Variants in PRAMEF1 observed in about 807,000 individuals in gnomAD.
The protein encoded by PRAMEF1 is PRAME family member 1.
A neutral mutation model predicts 38.2 loss-of-function variants in PRAMEF1; 21 were observed. The observed-to-expected ratio is 0.55, with a 90% CI of 0.39 to 0.79. PRAMEF1 has a LOEUF of 0.79. Among genes scored for constraint, PRAMEF1 ranks in the 30% least tolerant of loss-of-function variants. The pLI, the probability that PRAMEF1 is intolerant of heterozygous loss-of-function variation, is 0.00. For synonymous variants in PRAMEF1, 200 were observed against 229.0 expected (o/e 0.87, Z 1.14); for missense variants, 497 against 565.8 (o/e 0.88, Z 1.23).
chr1:12,794,199 C>A lies in PRAMEF1; in HGVS notation c.572C>A (p.Pro191Gln). 3 of 1,611,242 alleles carry A rather than the reference C, an allele frequency of 1.9e-6. No homozygotes were observed. Among genetic ancestry groups the A allele is most frequent in the Non-Finnish European group, 2.5e-6 (3 of 1,178,378 alleles). The part of the protein sequence containing the change: ...CCSKLVNYLT[P>Q]IKYLRKSLKI... ...AGTAAGCTGGTCAATTATCTAACGC[C>A]GATTAAATATCTCAGAAAGTCATTG... The change falls in exon 3 of 4, where the codon CCG becomes CAG. Residue 191 changes from proline (P) to glutamine (Q), a missense_variant. Transcript: ENST00000332296.
At chr1:12,795,119 A>C in intron 3 of PRAMEF1, 1 of 922,364 alleles carries the variant, frequency 1.1e-6, no homozygotes, top group Non-Finnish European at 1.5e-6. Context: ...GACCTTGCTC[A>C]GTTGAGTTCT....
intron 3 of PRAMEF1, 196 bp downstream of exon 3, chr1:12,794,689 G>A (rs2100300573): frequency 4.2e-6 from 6 of 1,443,614 alleles, no homozygotes; most frequent in Non-Finnish European, 3.7e-6. Context: ...AATAAGGGGA[G>A]AGGCGTCACC....
rs367688082 is a variant in PRAMEF1 at position 12,793,225 on chromosome 1, A to C, written c.-3A>C. 6.2e-7 allele frequency: 1 copy of C among 1,606,830 alleles called. No homozygotes were observed. Among genetic ancestry groups the C allele is most frequent in the African/African-American group, 1.3e-5 (1 of 74,596 alleles). On this transcript the variant is annotated 5_prime_UTR_variant, in exon 2 of 4. Coordinates refer to ENST00000332296, the MANE Select transcript of PRAMEF1 (RefSeq NM_023013.4). ...TAGAGATTTTCCTTGCAGATCTATC[A>C]GGATGAGCATCCAGGCCCCACCCAG...
chr1:12,791,963 G>A (rs1056664353), intron 1 of PRAMEF1, among the ~76,000 whole-genome samples: 2 of 151,128 alleles, frequency 1.3e-5, no homozygotes, highest in Non-Finnish European at 3.0e-5. Context: ...GATGTCTATA[G>A]GAACCTTCAT....
chr1:12,793,952 G>C lies in PRAMEF1; in HGVS notation c.325G>C (p.Asp109His), dbSNP rs368423199. 7 of 1,609,020 alleles carry C rather than the reference G, an allele frequency of 4.4e-6. 2 individuals carry two copies. The South Asian group carries it at 7.7e-5, about 18-fold the overall frequency. The change falls in exon 3 of 4, where the codon GAC becomes CAC. Residue 109 changes from aspartate to histidine, a missense_variant. By Grantham distance (81) the Asp-to-His change is moderately conservative. This residue lies in a region of PRAMEF1 where 470 missense variants were observed against 501.9 expected (regional missense o/e 0.94). Coordinates refer to ENST00000332296, the MANE Select transcript of PRAMEF1 (RefSeq NM_023013.4). ...KLQVLDLRDV[D>H]ENFWARWPGA... ...TCAAGTGCTGGATTTGCGGGATGTT[G>C]ACGAGAATTTCTGGGCCAGATGGCC...
chr1:12,791,921 C>A (rs1639300370), intron 1 of PRAMEF1, among the ~76,000 whole-genome samples: 1 of 151,034 alleles, frequency 6.6e-6, no homozygotes, highest in Non-Finnish European at 1.5e-5. Context: ...TAGGATCTGT[C>A]CAAAAGTGGG....
Position 12,794,400 on chromosome 1 carries a change from A to C in PRAMEF1, c.773A>C (p.Lys258Thr). ...GAACTCGAAGGACGGTTAGTTGCCA[A>C]ATTCAGCTCTGTGTTCCTCAGGCTG... ...DNELEGRLVA[K>T]FSSVFLRLEH... Residue 258 changes from lysine (K) to threonine (T), a missense_variant, in exon 3 of 4, where the codon AAA becomes ACA. Physicochemically the swap from Lys to Thr is moderately conservative, Grantham distance 78. Transcript: ENST00000332296. 1 of 1,610,796 alleles carries C rather than the reference A, an allele frequency of 6.2e-7. No homozygotes were observed. Among genetic ancestry groups the C allele is most frequent in the South Asian group, 1.1e-5 (1 of 90,738 alleles).
At chr1:12,793,150 G>T (rs1020319012) in intron 1 of PRAMEF1, 53 bp from the exon 2 acceptor site, 1 of 1,585,646 alleles carries the variant, frequency 6.3e-7, no homozygotes, top group African/African-American at 1.3e-5. Flanking sequence ...AGTAGAAGCA[G>T]ATGATTGTCT....
chr1:12,795,817 G>A lies in PRAMEF1; in HGVS notation c.1246G>A (p.Glu416Lys). The A allele has an allele frequency of 6.2e-7, 1 of 1,610,592 alleles. No homozygotes were observed. ...AAGCCTGGAGACGTATCCTGCCCCTGAGGAGAGTTTGAATTCCTTGGTTCG... is the reference window on the plus strand; with the variant it reads ...AAGCCTGGAGACGTATCCTGCCCCTAAGGAGAGTTTGAATTCCTTGGTTCG... ...KLSLETYPAPEESLNSLVRVN... is the reference protein window; with the variant it reads ...KLSLETYPAPKESLNSLVRVN... The change falls in exon 4 of 4, where the codon GAG (glutamate) becomes AAG (lysine). Residue 416 changes from glutamate to lysine, a missense_variant. Around this residue, in one of 2 missense-constraint regions of PRAMEF1, gnomAD observed 470 missense variants for 501.9 expected, o/e 0.94. Transcript: ENST00000332296.
In PRAMEF1 at chr1:12,794,208, A is replaced by T; in HGVS notation, c.581A>T (p.Tyr194Phe). The change falls in exon 3 of 4, where the codon TAT (tyrosine) becomes TTT (phenylalanine). Residue 194 changes from tyrosine (Y) to phenylalanine (F), a missense_variant. Tyr to Phe is a conservative substitution (Grantham distance 22). This residue lies in a region of PRAMEF1 where 470 missense variants were observed against 501.9 expected (regional missense o/e 0.94). Transcript: ENST00000332296. ...KLVNYLTPIK[Y>F]LRKSLKIIYL... ...GTCAATTATCTAACGCCGATTAAAT[A>T]TCTCAGAAAGTCATTGAAAATAATA... 3.1e-6 allele frequency: 5 copies of T among 1,611,432 alleles called. No homozygotes were observed. The highest frequency in any genetic ancestry group is 4.2e-6 in the Non-Finnish European group (5 of 1,178,364).
At chr1:12,793,639 G>A in intron 2 of PRAMEF1, 125 bp downstream of exon 2, 2 of 1,554,166 alleles carry the variant, frequency 1.3e-6, no homozygotes, top group Non-Finnish European at 1.7e-6. Context: ...AGGAAGATCA[G>A]GGAGGCTTTG....
chr1:12,792,902 A>T (rs1475148882), intron 1 of PRAMEF1, among the ~76,000 whole-genome samples: 1 of 150,886 alleles, frequency 6.6e-6, no homozygotes, highest in Non-Finnish European at 1.5e-5. Context: ...CAGCATGTTT[A>T]TGGTGTAAAC....
rs541524617 is a variant in PRAMEF1, at chr1:12,794,880, T to A, written c.866+387T>A. ...CGCATCAAACCTGTCCATTTCACAA[T>A]AGAACGTCTGTCCTCACCGGCTTAG... On this transcript the variant is annotated intron_variant, in intron 3 of 3. Transcript: ENST00000332296. 3.9e-5 allele frequency: 51 copies of A among 1,318,028 alleles called. 3 individuals are homozygous for A. The highest frequency in any genetic ancestry group is 4.9e-5 in the Non-Finnish European group (49 of 996,740). 81.6% of individuals were successfully genotyped at this position (1,318,028 alleles called of 1,614,324 possible).
Position 12,795,058 on chromosome 1 carries a change from C to A in PRAMEF1, c.867-380C>A, listed in dbSNP as rs1446176224. ...AAAAGTGACAGTTGGTTTGCAGATG[C>A]AGGCATGTCAGGGAGCCCCTGCTGA... is the stretch of plus-strand genomic sequence containing the variant. On this transcript the variant is annotated intron_variant, in intron 3 of 3. Transcript: ENST00000332296. The A allele has an allele frequency of 1.1e-5, 12 of 1,070,808 alleles. No homozygotes were observed. In the African/African-American group the frequency reaches 1.3e-4, roughly 11 times the overall value. The allele number at this position is 1,070,808 out of a possible 1,614,324, so 66.3% of individuals were successfully genotyped here.
Position 12,793,485 on chromosome 1 carries a change from T to C in PRAMEF1, c.258T>C (p.His86=), listed in dbSNP as rs202039215. ...TAAAAGCATTGCTGGAAGGGCTTCA[T>C]ATGCTGCTTACACAGAAGGATCGCC... ...ETLKALLEGL[H]MLLTQKDRPR... is the part of the protein sequence containing the mutation. The change falls in exon 2 of 4, where the codon CAT becomes CAC. Residue 86 remains histidine, a synonymous_variant. Transcript: ENST00000332296. 3.7e-6 allele frequency: 6 copies of C among 1,608,678 alleles called. No homozygotes were observed. The highest frequency in any genetic ancestry group is 3.4e-5 in the Admixed American group (2 of 59,640).
chr1:12,791,875 C>A (rs551104419), intron 1 of PRAMEF1, among the ~76,000 whole-genome samples: 5 of 150,988 alleles, frequency 3.3e-5, no homozygotes, highest in African/African-American at 1.2e-4. Context: ...CTCAAGAGTG[C>A]AGTTTTGCTC....
At chr1:12,795,178 T>C (rs1314631392) in intron 3 of PRAMEF1, among the ~76,000 whole-genome samples, 3,115 of 149,518 alleles carry the variant, frequency 0.021, 41 homozygotes, top group South Asian at 0.045. Context: ...TGAAGTTTTC[T>C]GCTAAAAGAT....
chr1:12,796,263 C>A lies in PRAMEF1; in HGVS notation c.*267C>A, dbSNP rs183291955. The stretch of plus-strand genomic sequence containing the variant: ...GGCATGAGTGACTGTGTCCAGGCCA[C>A]ATGCAACTTAAAGGAAGCACAGGCA... On this transcript the variant is annotated 3_prime_UTR_variant, in exon 4 of 4. Transcript: ENST00000332296. The A allele has an allele frequency of 3.8e-4, 200 of 528,734 alleles. 4 individuals are homozygous for A. The highest frequency in any genetic ancestry group is 3.6e-3 in the African/African-American group (189 of 52,730). The allele number at this position is 528,734 out of a possible 1,614,324, so 32.8% of individuals were successfully genotyped here. A position where few individuals can be genotyped will look rare whatever the true frequency, so the allele number is the denominator to read the frequency against.
Position 12,794,507 on chromosome 1 carries a change from A to C in PRAMEF1, c.866+14A>C, listed in dbSNP as rs750572574. 1.2e-6 allele frequency: 2 copies of C among 1,607,394 alleles called. No homozygotes were observed. Among genetic ancestry groups the C allele is most frequent in the Non-Finnish European group, 1.7e-6 (2 of 1,176,220 alleles). On this transcript the variant is annotated intron_variant, in intron 3 of 3. Transcript: ENST00000332296. ...ACAGCTGATCAGGTGAGAAAGGATC[A>C]TGCACTTTGTATGCAGACCACAGCA...
Sources: allele counts gnomAD v4.1 joint callset (sites outside exome capture counted in the v4.1 genomes callset), GRCh38; gene constraint gnomAD v4.1.1; regional missense constraint gnomAD v4.1.1; transcripts MANE v1.5; gene names NCBI Gene and HGNC (gene_info 2026-07-23, HGNC 2026-07-21).